TM9SF2: variants seen among roughly 807,000 people sequenced by gnomAD.
The protein encoded by TM9SF2 is 76 kDa membrane protein.
A neutral mutation model predicts 84.9 loss-of-function variants in TM9SF2; 13 were observed. That is an observed-to-expected ratio of 0.15 (90% confidence interval 0.10 to 0.24). The LOEUF is 0.24. Among genes scored for constraint, TM9SF2 ranks in the 10% least tolerant of loss-of-function variants. The pLI is 1.00. For missense variants in TM9SF2, 562 were observed against 818.5 expected, an observed-to-expected ratio of 0.69 and a Z score of 3.82; for synonymous variants, 273 against 285.8, an observed-to-expected ratio of 0.96 and a Z score of 0.45.
At chr13:99,555,411 C>T (rs1326915746) in intron 14 of TM9SF2, 125 bp from the exon 15 acceptor site, 8 of 675,088 alleles carry the variant, frequency 1.2e-5, no homozygotes, top group African/African-American at 5.4e-5. Flanking sequence ...TGTGATAATT[C>T]GTCTTGTTTG....
chr13:99,503,570 G>T (rs895492736), intron 1 of TM9SF2, among the ~76,000 whole-genome samples: 1 of 152,048 alleles, frequency 6.6e-6, no homozygotes. Flanking sequence ...TTAGCTGGGC[G>T]TGGTGGCGGG....
chr13:99,520,268 T>A (rs922052105), intron 3 of TM9SF2, 139 bp downstream of exon 3: 3 of 672,278 alleles, frequency 4.5e-6, no homozygotes, highest in Admixed American at 3.2e-5. Context: ...GTTCTTAAAA[T>A]CAAAGTTAGA....
intron 3 of TM9SF2, among the ~76,000 whole-genome samples, chr13:99,521,603 C>T (rs2046160480): frequency 6.6e-6 from 1 of 152,244 alleles, no homozygotes; most frequent in South Asian, 2.1e-4. Flanking sequence ...CCTGCACCTA[C>T]ACTGTGAAGC....
At chr13:99,549,663 A>T (rs1435802852) in intron 12 of TM9SF2, among the ~76,000 whole-genome samples, 2 of 152,220 alleles carry the variant, frequency 1.3e-5, no homozygotes, top group Non-Finnish European at 2.9e-5. Context: ...AAAAATAAGC[A>T]GCCACCACAA....
intron 4 of TM9SF2, among the ~76,000 whole-genome samples, chr13:99,531,519 C>T (rs990083423): frequency 4.6e-5 from 7 of 152,068 alleles, no homozygotes; most frequent in Non-Finnish European, 1.0e-4. Flanking sequence ...ATGCATAGAA[C>T]CCTGGGTTGC....
At position 99,517,649 on chromosome 13, in the gene TM9SF2, A is replaced by G. The variant is rs2046140413; in HGVS notation, c.207A>G (p.Ser69=). 2 of 1,589,082 alleles carry G rather than the reference A, an allele frequency of 1.3e-6. No homozygotes were observed. The highest frequency in any genetic ancestry group is 1.7e-6 in the Non-Finnish European group (2 of 1,169,438). Residue 69 remains serine (S), a synonymous_variant, in exon 2 of 17, where the codon TCA becomes TCG. Transcript: ENST00000376387. ...EIELFVNRLD[S]VESVLPYEYT... Reference sequence around the variant, plus strand: ...AACTATTTGTGAACAGACTTGATTCAGTGGAATCAGTTCTTCCTTATGAAT... The same window carrying G: ...AACTATTTGTGAACAGACTTGATTCGGTGGAATCAGTTCTTCCTTATGAAT...
rs182261417 is a variant in TM9SF2 at position 99,562,940 on chromosome 13, A to G, written c.*182A>G. 12 of 520,520 alleles carry G rather than the reference A, an allele frequency of 2.3e-5. No individual in the cohort carries two copies. Among genetic ancestry groups the G allele is most frequent in the African/African-American group, 1.2e-4 (6 of 51,718 alleles). 32.2% of individuals were successfully genotyped at this position (520,520 alleles called of 1,614,324 possible). ...CCCCATAAGATGTGTCTTCAACACT[A>G]TAAAGCATTTGTATTGTGATTTGAT... On this transcript the variant is annotated 3_prime_UTR_variant, in exon 17 of 17. Coordinates refer to ENST00000376387, the MANE Select transcript of TM9SF2 (RefSeq NM_004800.3).
intron 1 of TM9SF2, among the ~76,000 whole-genome samples, chr13:99,506,918 G>A (rs973897637): frequency 6.6e-6 from 1 of 152,146 alleles, no homozygotes; most frequent in Admixed American, 6.5e-5. Context: ...TGCTTTACAT[G>A]TATCCAACAA....
rs545272311 is a variant in TM9SF2 at position 99,527,710 on chromosome 13, A to G, written c.334-1757A>G. Among the ~76,000 whole-genome samples the G allele has an allele frequency of 1.0e-3, 157 of 152,340 alleles. 1 individual carries two copies. Among genetic ancestry groups the G allele is most frequent in the Non-Finnish European group, 2.0e-3 (139 of 68,032 alleles). On this transcript the variant is annotated intron_variant, in intron 3 of 16. Transcript: ENST00000376387. ...ATTTCCCTCAGATATGGACTTTGAT[A>G]TAATTTTTCTGCTATTTGCTAAAAG...
intron 1 of TM9SF2, among the ~76,000 whole-genome samples, chr13:99,511,332 C>CT: frequency 6.6e-6 from 1 of 152,250 alleles, no homozygotes; most frequent in Non-Finnish European, 1.5e-5. Context: ...CTGTGGCATA[C>CT]TTTCACATGG....
intron 11 of TM9SF2, among the ~76,000 whole-genome samples, chr13:99,548,294 T>C (rs1327886205): frequency 6.6e-6 from 1 of 152,224 alleles, no homozygotes; most frequent in Non-Finnish European, 1.5e-5. Flanking sequence ...ACTGAAATTA[T>C]AGTAAACCCA....
chr13:99,555,200 A>C (rs966699175), intron 14 of TM9SF2, among the ~76,000 whole-genome samples: 12 of 152,240 alleles, frequency 7.9e-5, no homozygotes, highest in Admixed American at 1.3e-4. Flanking sequence ...ATATGTGATA[A>C]GAAACGGTTA....
At position 99,554,331 on chromosome 13, in the gene TM9SF2, C is replaced by G; in HGVS notation, c.1516C>G (p.Gln506Glu). 6.2e-7 allele frequency: 1 copy of G among 1,613,910 alleles called. No homozygotes were observed. Among genetic ancestry groups the G allele is most frequent in the African/African-American group, 1.3e-5 (1 of 75,052 alleles). The change falls in exon 14 of 17, where the codon CAG becomes GAG. Residue 506 changes from glutamine to glutamate, a missense_variant. Gln to Glu is a conservative substitution (Grantham distance 29, BLOSUM62 2). Around this residue, in one of 4 missense-constraint regions of TM9SF2, gnomAD observed 219 missense variants for 338.1 expected, o/e 0.65. Transcript: ENST00000376387. ...NAIEHPVRTN[Q>E]IPRQIPEQSF... ...CATTGAACACCCAGTTCGAACCAATCAGATTCCACGTCAGATTCCTGAACA... is the reference window on the plus strand; with the variant it reads ...CATTGAACACCCAGTTCGAACCAATGAGATTCCACGTCAGATTCCTGAACA...
chr13:99,523,101 A>G (rs2046167418), intron 3 of TM9SF2, among the ~76,000 whole-genome samples: 1 of 152,228 alleles, frequency 6.6e-6, no homozygotes, highest in Admixed American at 6.5e-5. Context: ...CCAGCCATAA[A>G]TGTATTGACC....
At chr13:99,508,360 A>T (rs551634585) in intron 1 of TM9SF2, among the ~76,000 whole-genome samples, 4 of 147,854 alleles carry the variant, frequency 2.7e-5, no homozygotes, top group African/African-American at 9.9e-5. Flanking sequence ...ACTCTTTTGG[A>T]TGGTGAATAA....
chr13:99,530,759 A>G lies in TM9SF2; in HGVS notation c.461+1165A>G, dbSNP rs141257216. The stretch of plus-strand genomic sequence containing the variant: ...ATTTTGTAAACATGACATAACATTA[A>G]CAAATTCTGTACCAGTTTGTATCAG... On this transcript the variant is annotated intron_variant, in intron 4 of 16. Transcript: ENST00000376387. 1.2e-3 allele frequency among the ~76,000 whole-genome samples: 186 copies of G among 152,368 alleles called. 2 individuals are homozygous for G. Among genetic ancestry groups the G allele is most frequent in the African/African-American group, 4.2e-3 (176 of 41,590 alleles).
At chr13:99,541,769 C>T (rs576889357) in intron 9 of TM9SF2, 102 bp downstream of exon 9, 1 of 723,840 alleles carries the variant, frequency 1.4e-6, no homozygotes, top group African/African-American at 1.9e-5. Flanking sequence ...TTAAAACATT[C>T]TTCAAAAAAC....
At chr13:99,555,399 C>T in intron 14 of TM9SF2, 137 bp from the exon 15 acceptor site, 1 of 642,028 alleles carries the variant, frequency 1.6e-6, no homozygotes, top group Non-Finnish European at 2.7e-6. Context: ...ACCATCCCAA[C>T]CTGTGATAAT....
At chr13:99,557,875 C>T (rs2046330578) in intron 15 of TM9SF2, among the ~76,000 whole-genome samples, 1 of 146,268 alleles carries the variant, frequency 6.8e-6, no homozygotes, top group Non-Finnish European at 1.5e-5. Context: ...TACCCCACCC[C>T]CGACCAAAAA....
Sources: gnomAD v4.1 joint callset for allele counts (sites outside exome capture counted in the v4.1 genomes callset) on GRCh38, gnomAD v4.1.1 for gene constraint, gnomAD v4.1.1 regional missense constraint, MANE v1.5 for transcripts, NCBI Gene and HGNC (gene_info 2026-07-23, HGNC 2026-07-21) for gene names.